Variants in FAM219A observed in about 807,000 individuals in gnomAD.
The protein encoded by FAM219A is protein FAM219A.
Under a neutral mutation model 23.4 loss-of-function variants are expected in FAM219A, and 7 were observed. The ratio of observed to expected loss-of-function variants is 0.30; its 90% CI spans 0.17 to 0.56. The LOEUF (loss-of-function observed/expected upper bound fraction) is 0.56, where lower values mean the gene tolerates loss of function less well. FAM219A is among the 20% of genes least tolerant of loss of function. The pLI is 0.92. For missense variants in FAM219A, 166 were observed against 246.9 expected, an observed-to-expected ratio of 0.67 and a Z score of 2.20; for synonymous variants, 93 against 99.0, an observed-to-expected ratio of 0.94 and a Z score of 0.36.
At chr9:34,421,007 T>TGAGAGAGAGA (rs761212084) in intron 1 of FAM219A, among the ~76,000 whole-genome samples, 4,445 of 75,706 alleles carry the variant, frequency 0.059, 138 homozygotes, top group African/African-American at 0.073. Flanking sequence ...TGTGTGTGTG[T>TGAGAGAGAGA]GTGAGAGAGA....
chr9:34,439,853 C>T (rs1022412562), intron 1 of FAM219A, among the ~76,000 whole-genome samples: 2 of 152,096 alleles, frequency 1.3e-5, no homozygotes, highest in African/African-American at 2.4e-5. Flanking sequence ...ATAATAAGAA[C>T]GAGTGGAAGC....
Position 34,400,021 on chromosome 9 carries a change from A to G in FAM219A, c.*943T>C, listed in dbSNP as rs1229186098. The G allele has an allele frequency of 2.6e-5, 4 of 152,332 alleles. No individual in the cohort carries two copies. Among genetic ancestry groups the G allele is most frequent in the African/African-American group, 9.7e-5 (4 of 41,418 alleles). The allele number at this position is 152,332 out of a possible 1,614,324, so 9.4% of individuals were successfully genotyped here. On this transcript the variant is annotated 3_prime_UTR_variant, in exon 6 of 6. Coordinates refer to ENST00000651358, the MANE Select transcript of FAM219A (RefSeq NM_001184940.2). ...TAAGCACTCCCTACCACATCCAAACAACCACATCCATAGAGCCACTCAGCC... is the reference window on the plus strand; with the variant it reads ...TAAGCACTCCCTACCACATCCAAACGACCACATCCATAGAGCCACTCAGCC...
intron 1 of FAM219A, among the ~76,000 whole-genome samples, chr9:34,430,678 C>T (rs926679469): frequency 7.2e-6 from 1 of 139,508 alleles, no homozygotes; most frequent in Admixed American, 7.2e-5. Flanking sequence ...AAACAAACAA[C>T]AACAACAAAA....
intron 1 of FAM219A, among the ~76,000 whole-genome samples, chr9:34,450,696 G>A (rs1401180473): frequency 6.6e-6 from 1 of 152,178 alleles, no homozygotes; most frequent in African/African-American, 2.4e-5. Flanking sequence ...GATTGCAGGC[G>A]TGAGCCACTG....
chr9:34,449,016 C>A (rs1484928420), intron 1 of FAM219A, among the ~76,000 whole-genome samples: 1 of 141,944 alleles, frequency 7.0e-6, no homozygotes, highest in Non-Finnish European at 1.5e-5. Context: ...AAACCTCAGC[C>A]ATGGGATAGC....
intron 2 of FAM219A, among the ~76,000 whole-genome samples, chr9:34,405,230 C>T (rs1291901178): frequency 1.3e-5 from 2 of 152,008 alleles, no homozygotes; most frequent in Admixed American, 1.3e-4. Context: ...GAAGGGAGGG[C>T]AATAGTGGTA....
At chr9:34,452,164 G>C (rs1255072789) in intron 1 of FAM219A, among the ~76,000 whole-genome samples, 2 of 152,200 alleles carry the variant, frequency 1.3e-5, no homozygotes, top group African/African-American at 4.8e-5. Context: ...CATCAAAGCA[G>C]GTTGCAGGGG....
Position 34,401,009 on chromosome 9 carries a change from G to T in FAM219A, c.513C>A (p.Cys171Ter). The T allele has an allele frequency of 6.3e-7, 1 of 1,586,988 alleles. No individual in the cohort carries two copies. The highest frequency in any genetic ancestry group is 8.6e-7 in the Non-Finnish European group (1 of 1,163,324). ...TGGAGGACGTGGCCTGGCAGCACATGCACGTGGGGTTCACGGACTTGGGGG... is the reference window on the plus strand; with the variant it reads ...TGGAGGACGTGGCCTGGCAGCACATTCACGTGGGGTTCACGGACTTGGGGG... Reference protein sequence around the residue: ...LIPPKSVNPTCMCCQATSSTA... With the variant: ...LIPPKSVNPT The change falls in exon 6 of 6, where the codon TGC (cysteine) becomes TGA (stop). Residue 171 changes from cysteine to a stop codon, truncating the protein, a stop_gained. Transcript: ENST00000651358. LOFTEE classifies it high-confidence loss of function.
chr9:34,434,618 C>A (rs113384723), intron 1 of FAM219A, among the ~76,000 whole-genome samples: 1 of 152,274 alleles, frequency 6.6e-6, no homozygotes, highest in Non-Finnish European at 1.5e-5. Context: ...AGAGACAACA[C>A]TAATGGGAGG....
intron 1 of FAM219A, among the ~76,000 whole-genome samples, chr9:34,422,999 C>G (rs1211066977): frequency 6.6e-6 from 1 of 152,098 alleles, no homozygotes; most frequent in Admixed American, 6.5e-5. Context: ...GACTCCATTT[C>G]TACAGAAAAA....
intron 1 of FAM219A, among the ~76,000 whole-genome samples, chr9:34,408,755 C>T (rs1320599446): frequency 2.0e-5 from 3 of 152,138 alleles, no homozygotes; most frequent in Non-Finnish European, 2.9e-5. Flanking sequence ...AAATCTGTGG[C>T]GTTTCAATCC....
chr9:34,437,748 G>T (rs1822975410), intron 1 of FAM219A, among the ~76,000 whole-genome samples: 2 of 152,236 alleles, frequency 1.3e-5, no homozygotes, highest in Non-Finnish European at 2.9e-5. Flanking sequence ...GCTTCTGAGA[G>T]GTGACAGCGT....
chr9:34,401,249 C>A (rs747157875), intron 5 of FAM219A, 127 bp from the exon 6 acceptor site: 36 of 1,215,136 alleles, frequency 3.0e-5, no homozygotes, highest in Non-Finnish European at 3.9e-5. Context: ...CGCCCTGTCC[C>A]GGGTCTGTCT....
intron 1 of FAM219A, among the ~76,000 whole-genome samples, chr9:34,410,379 A>T (rs1001888136): frequency 6.6e-6 from 1 of 152,192 alleles, no homozygotes; most frequent in East Asian, 1.9e-4. Flanking sequence ...GAAAAAAACC[A>T]AAGTGTGGAA....
rs1821393666 is a variant in FAM219A, at chr9:34,400,876, A to C, written c.*88T>G. On this transcript the variant is annotated 3_prime_UTR_variant, in exon 6 of 6. Transcript: ENST00000651358. ...GCTGTAGGGGCGCGGGGCCGGGGGCAGGCAGACGAGCTGGGAAGGGGTCGG... is the reference window on the plus strand; with the variant it reads ...GCTGTAGGGGCGCGGGGCCGGGGGCCGGCAGACGAGCTGGGAAGGGGTCGG... 1.5e-6 allele frequency: 2 copies of C among 1,356,668 alleles called. No homozygotes were observed. The highest frequency in any genetic ancestry group is 3.1e-5 in the Admixed American group (1 of 32,086). 84.0% of individuals were successfully genotyped at this position (1,356,668 alleles called of 1,614,324 possible).
chr9:34,437,819 T>C (rs918201753), intron 1 of FAM219A, among the ~76,000 whole-genome samples: 1 of 152,230 alleles, frequency 6.6e-6, no homozygotes. Flanking sequence ...GCTCCTACTT[T>C]GGTGGCATTT....
chr9:34,450,296 G>C (rs1267212048), intron 1 of FAM219A, among the ~76,000 whole-genome samples: 2 of 140,552 alleles, frequency 1.4e-5, no homozygotes, highest in East Asian at 4.2e-4. Flanking sequence ...CTCGGTGACA[G>C]AGACCCTGTC....
chr9:34,443,390 G>A (rs930503225), intron 1 of FAM219A, among the ~76,000 whole-genome samples: 1 of 152,102 alleles, frequency 6.6e-6, no homozygotes, highest in African/African-American at 2.4e-5. Flanking sequence ...TGAAAGCACA[G>A]AGCAGGTCCT....
At position 34,405,945 on chromosome 9, in the gene FAM219A, A is replaced by G. The variant is rs777311560; in HGVS notation, c.80T>C (p.Ile27Thr). The change falls in exon 2 of 6, where the codon ATC becomes ACC. Residue 27 changes from isoleucine (I) to threonine (T), a missense_variant. Ile to Thr is a moderately conservative substitution (Grantham distance 89, BLOSUM62 -1). Coordinates refer to ENST00000651358, the MANE Select transcript of FAM219A (RefSeq NM_001184940.2). ...CCGGGCGTCACAGTCTCCGTCAGAG[A>G]TGGAGGCGGCGGCTGGGTCCTGTGG... ...MQPLDPAAAS[I>T]SDGDCDAREG... is the part of the protein sequence containing the mutation. The G allele has an allele frequency of 1.9e-6, 3 of 1,612,680 alleles. No homozygotes were observed. The highest frequency in any genetic ancestry group is 2.7e-5 in the African/African-American group (2 of 74,868).
Sources: gnomAD v4.1 joint callset for allele counts (sites outside exome capture counted in the v4.1 genomes callset) on GRCh38, gnomAD v4.1.1 for gene constraint, MANE v1.5 for transcripts, NCBI Gene and HGNC (gene_info 2026-07-23, HGNC 2026-07-21) for gene names.